STAT4: variants seen among roughly 807,000 people sequenced by gnomAD.
STAT4 encodes the protein signal transducer and activator of transcription 4.
In STAT4, 42 loss-of-function variants were observed where a neutral mutation model predicts 110.5. The observed-to-expected ratio is 0.38, with a 90% CI of 0.30 to 0.49. The LOEUF is 0.49. Among genes scored for constraint, STAT4 ranks in the 20% least tolerant of loss-of-function variants. The pLI, the probability that STAT4 is intolerant of heterozygous loss-of-function variation, is 0.95. For missense variants in STAT4, 632 were observed against 887.9 expected (o/e 0.71, Z 3.66); for synonymous variants, 284 against 302.2 (o/e 0.94, Z 0.63).
rs1480052661 is a variant in STAT4 at position 191,147,693 on chromosome 2, T to C, written c.128+383A>G. On this transcript the variant is annotated intron_variant, in intron 2 of 23. Coordinates refer to ENST00000392320, the MANE Select transcript of STAT4 (RefSeq NM_003151.4). The surrounding 1 kb of genome is among the most constrained non-coding windows in gnomAD (Gnocchi z 4.1). ...ATTTTACCACAATAAAAAAGATGGC[T>C]GAAAAAAATTAAATGGTATAAGGTG... Among the ~76,000 whole-genome samples the C allele has an allele frequency of 6.6e-6, 1 of 152,128 alleles. No individual in the cohort carries two copies. Among genetic ancestry groups the C allele is most frequent in the Non-Finnish European group, 1.5e-5 (1 of 68,018 alleles).
intron 5 of STAT4, 128 bp from the exon 6 acceptor site, chr2:191,069,899 A>T: frequency 3.0e-6 from 2 of 661,710 alleles, no homozygotes; most frequent in South Asian, 3.8e-5. Context: ...ACCATAATGA[A>T]CGCACGCTTC....
At chr2:191,073,910 A>T (rs1250481587) in intron 4 of STAT4, among the ~76,000 whole-genome samples, 1 of 152,232 alleles carries the variant, frequency 6.6e-6, no homozygotes, top group Non-Finnish European at 1.5e-5. Context: ...AGATAATTTG[A>T]TGATTTTAAA....
chr2:191,087,967 A>G (rs986363538), intron 3 of STAT4, among the ~76,000 whole-genome samples: 24 of 152,172 alleles, frequency 1.6e-4, no homozygotes, highest in African/African-American at 5.5e-4. Context: ...CTTTTCTGCT[A>G]AGACAAAGAA....
Position 191,066,459 on chromosome 2 carries a change from T to C in STAT4, c.601A>G (p.Met201Val). ...VNQEVLTLQE[M>V]LNSLDFKRKE... is the part of the protein sequence containing the mutation. ...CTCTTGAAATCGAGGCTGTTAAGCA[T>C]TTCCTGCAGTGTCAAAACTTCCTGA... The change falls in exon 7 of 24, where the codon ATG (methionine) becomes GTG (valine). Residue 201 changes from methionine to valine, a missense_variant. This residue lies in a region of STAT4 where 488 missense variants were observed against 632.8 expected (regional missense o/e 0.77). Coordinates refer to ENST00000392320, the MANE Select transcript of STAT4 (RefSeq NM_003151.4). The surrounding 1 kb of genome is among the most constrained non-coding windows in gnomAD (Gnocchi z 4.3). 6.2e-7 allele frequency: 1 copy of C among 1,613,550 alleles called. No homozygotes were observed. The highest frequency in any genetic ancestry group is 8.5e-7 in the Non-Finnish European group (1 of 1,179,660).
rs1464230822 is a variant in STAT4, at chr2:191,104,736, T to G, written c.274-28411A>C. 1.3e-5 allele frequency among the ~76,000 whole-genome samples: 2 copies of G among 152,190 alleles called. No individual in the cohort carries two copies. The highest frequency in any genetic ancestry group is 2.9e-5 in the Non-Finnish European group (2 of 68,040). On this transcript the variant is annotated intron_variant, in intron 3 of 23. Coordinates refer to ENST00000392320, the MANE Select transcript of STAT4 (RefSeq NM_003151.4). The surrounding 1 kb of genome is among the most constrained non-coding windows in gnomAD (Gnocchi z 4.3). ...AAAGAATGATCCTTTTTAAGTGAAT[T>G]TTGACTTTGCAAAGATTCTCTCTAT...
At position 191,037,040 on chromosome 2, in the gene STAT4, G is replaced by A. The variant is rs1248622287; in HGVS notation, c.1435-741C>T. Reference sequence around the variant, plus strand: ...CGCTTGACATCTCTTTAACTTTTCCGTATCAGTCTACTCATGCAAGAACTT... The same window carrying A: ...CGCTTGACATCTCTTTAACTTTTCCATATCAGTCTACTCATGCAAGAACTT... On this transcript the variant is annotated intron_variant, in intron 16 of 23. Transcript: ENST00000392320. This position sits in a 1 kb window ranked among gnomAD's most constrained non-coding sequence, Gnocchi z 4.8. Among the ~76,000 whole-genome samples the A allele has an allele frequency of 2.0e-5, 3 of 152,038 alleles. No homozygotes were observed. The highest frequency in any genetic ancestry group is 2.9e-5 in the Non-Finnish European group (2 of 68,018).
Position 191,032,967 on chromosome 2 carries a change from G to A in STAT4, c.2035C>T (p.Pro679Ser). ...KAFGKHYSSQ[P>S]CEVSRPTERG... ...AACAGAAAAACCTAACCTTCGCAAG[G>A]CTGAGAGCTGTAGTGTTTACCGAAG... is the stretch of plus-strand genomic sequence containing the variant. Residue 679 changes from proline to serine, a missense_variant, in exon 21 of 24, where the codon CCT becomes TCT. By Grantham distance (74) the Pro-to-Ser change is moderately conservative. Coordinates refer to ENST00000392320, the MANE Select transcript of STAT4 (RefSeq NM_003151.4). The surrounding 1 kb of genome is among the most constrained non-coding windows in gnomAD (Gnocchi z 4.9). The A allele has an allele frequency of 6.2e-7, 1 of 1,610,646 alleles. No individual in the cohort carries two copies. The highest frequency in any genetic ancestry group is 8.5e-7 in the Non-Finnish European group (1 of 1,178,770).
At chr2:191,126,987 T>G (rs1698898728) in intron 3 of STAT4, among the ~76,000 whole-genome samples, 1 of 152,072 alleles carries the variant, frequency 6.6e-6, no homozygotes, top group Non-Finnish European at 1.5e-5. Flanking sequence ...GCCCAGCTAA[T>G]TTTTTAATCT....
intron 3 of STAT4, among the ~76,000 whole-genome samples, chr2:191,105,703 G>A (rs1312109712): frequency 2.0e-5 from 3 of 152,092 alleles, no homozygotes; most frequent in African/African-American, 7.2e-5. Flanking sequence ...TTTGTATTCC[G>A]TAGTTTTCAC....
At chr2:191,105,178 T>C (rs1374193017) in intron 3 of STAT4, among the ~76,000 whole-genome samples, 3 of 152,216 alleles carry the variant, frequency 2.0e-5, no homozygotes, top group African/African-American at 7.2e-5. Flanking sequence ...CCCTCCTTTG[T>C]AGCCTGGCTT....
intron 1 of STAT4, among the ~76,000 whole-genome samples, chr2:191,148,756 T>C (rs751076998): frequency 2.0e-5 from 3 of 152,206 alleles, no homozygotes; most frequent in Non-Finnish European, 4.4e-5. Context: ...TTGTCTTAGC[T>C]TCATGAAGAA....
At chr2:191,087,053 G>A (rs754200204) in intron 3 of STAT4, among the ~76,000 whole-genome samples, 2 of 152,084 alleles carry the variant, frequency 1.3e-5, no homozygotes, top group African/African-American at 2.4e-5. Context: ...CTATAGAAAT[G>A]CCTCTTATTA....
In STAT4 at chr2:191,090,601, C is replaced by T. The variant is rs1027302922; in HGVS notation, c.274-14276G>A. The stretch of plus-strand genomic sequence containing the variant: ...TTGAGACAGAGTCTTGCTTCTGTTG[C>T]CCAGACTGGAGTGCAGTGGCGCGAT... On this transcript the variant is annotated intron_variant, in intron 3 of 23. Transcript: ENST00000392320. This position sits in a 1 kb window ranked among gnomAD's most constrained non-coding sequence, Gnocchi z 4.2. Among the ~76,000 whole-genome samples, 6 of 152,116 alleles carry T rather than the reference C, an allele frequency of 3.9e-5. No individual in the cohort carries two copies. The highest frequency in any genetic ancestry group is 1.4e-4 in the African/African-American group (6 of 41,426).
rs573872937 is a variant in STAT4, at chr2:191,082,807, A to G, written c.274-6482T>C. On this transcript the variant is annotated intron_variant, in intron 3 of 23. Transcript: ENST00000392320. The surrounding 1 kb of genome is among the most constrained non-coding windows in gnomAD (Gnocchi z 4.7). ...GATGTGAGAAGCCCTGTTCAAAATA[A>G]TCTTCTTCATACAGGCGACATGGAG... 6.6e-6 allele frequency among the ~76,000 whole-genome samples: 1 copy of G among 152,302 alleles called. No individual in the cohort carries two copies. The highest frequency in any genetic ancestry group is 1.5e-5 in the Non-Finnish European group (1 of 68,024).
intron 3 of STAT4, among the ~76,000 whole-genome samples, chr2:191,105,305 A>G (rs1255639761): frequency 6.6e-6 from 1 of 152,150 alleles, no homozygotes; most frequent in African/African-American, 2.4e-5. Flanking sequence ...CCTCTACCCA[A>G]AACCTTCCAA....
Position 191,107,087 on chromosome 2 carries a change from A to G in STAT4, c.274-30762T>C, listed in dbSNP as rs1698303941. 6.6e-6 allele frequency among the ~76,000 whole-genome samples: 1 copy of G among 152,204 alleles called. No individual in the cohort carries two copies. The highest frequency in any genetic ancestry group is 2.1e-4 in the South Asian group (1 of 4,834). On this transcript the variant is annotated intron_variant, in intron 3 of 23. Transcript: ENST00000392320. The surrounding 1 kb of genome is among the most constrained non-coding windows in gnomAD (Gnocchi z 4.2). ...ACATTAATGTCAGCAGTAGAAACGT[A>G]TGGTTGCGTGAAATGAAATATAGAT...
intron 7 of STAT4, among the ~76,000 whole-genome samples, chr2:191,065,160 T>C (rs1696954659): frequency 6.6e-6 from 1 of 152,212 alleles, no homozygotes. Flanking sequence ...AAAAGAAGAA[T>C]GGCCACAGTT....
In STAT4 at chr2:191,061,354, C is replaced by T. The variant is rs889471296; in HGVS notation, c.1034+375G>A. ...AATTCTGTCTCTTCCCTGCTCCCCA[C>T]GATTACCAGACAGAGCCAGGAAGCC... is the stretch of plus-strand genomic sequence containing the variant. On this transcript the variant is annotated intron_variant, in intron 10 of 23. Transcript: ENST00000392320. This position sits in a 1 kb window ranked among gnomAD's most constrained non-coding sequence, Gnocchi z 6.2. Among the ~76,000 whole-genome samples the T allele has an allele frequency of 3.9e-5, 6 of 152,252 alleles. No individual in the cohort carries two copies. The highest frequency in any genetic ancestry group is 2.1e-4 in the South Asian group (1 of 4,818).
At chr2:191,097,478 C>T (rs1339728736) in intron 3 of STAT4, among the ~76,000 whole-genome samples, 1 of 152,078 alleles carries the variant, frequency 6.6e-6, no homozygotes, top group Non-Finnish European at 1.5e-5. Context: ...CATCTACAAC[C>T]ATCTGATCTT....
Sources: allele counts gnomAD v4.1 joint callset (sites outside exome capture counted in the v4.1 genomes callset), GRCh38; gene constraint gnomAD v4.1.1; regional missense constraint gnomAD v4.1.1; non-coding constraint Gnocchi (gnomAD v3.1); transcripts MANE v1.5; gene names NCBI Gene and HGNC (gene_info 2026-07-23, HGNC 2026-07-21).